The following CCDC33 variants were observed in gnomAD, a reference collection of about 807,000 sequenced individuals.
CCDC33 encodes the protein coiled-coil domain containing 33.
A neutral mutation model predicts 91.9 loss-of-function variants in CCDC33; 94 were observed. That is an observed-to-expected ratio of 1.02 (90% CI 0.87 to 1.21). The LOEUF is 1.21. Among genes scored for constraint, CCDC33 ranks in the 50% most tolerant of loss-of-function variants. The pLI is 0.00. For synonymous variants in CCDC33, 396 were observed against 374.5 expected, an observed-to-expected ratio of 1.06 and a Z score of -0.66; for missense variants, 940 against 935.5, an observed-to-expected ratio of 1.00 and a Z score of -0.06.
chr15:74,228,183 G>A (rs908121661), intron 2 of CCDC33, among the ~76,000 whole-genome samples: 20 of 152,224 alleles, frequency 1.3e-4, no homozygotes, highest in African/African-American at 4.8e-4. Context: ...GACCCACCTT[G>A]TGGAGGCTGA....
At chr15:74,268,796 TA>T (rs1453555145) in intron 5 of CCDC33, among the ~76,000 whole-genome samples, 1 of 152,190 alleles carries the variant, frequency 6.6e-6, no homozygotes, top group Admixed American at 6.5e-5. Flanking sequence ...AATCTTATGC[TA>T]GGGGCAGGGG....
At chr15:74,209,877 G>T (rs1280903359) in intron 2 of CCDC33, among the ~76,000 whole-genome samples, 1 of 152,214 alleles carries the variant, frequency 6.6e-6, no homozygotes, top group Non-Finnish European at 1.5e-5. Flanking sequence ...TAAATTCTCA[G>T]GAGAAGGGCC....
intron 2 of CCDC33, among the ~76,000 whole-genome samples, chr15:74,210,621 T>C (rs1365831532): frequency 6.6e-6 from 1 of 152,232 alleles, no homozygotes; most frequent in East Asian, 1.9e-4. Context: ...ATGCATATTT[T>C]AAAACTCATA....
At chr15:74,305,728 T>A (rs183427526) in intron 11 of CCDC33, among the ~76,000 whole-genome samples, 1 of 152,350 alleles carries the variant, frequency 6.6e-6, no homozygotes, top group African/African-American at 2.4e-5. Flanking sequence ...CATTCATTCA[T>A]GCATTCATTC....
chr15:74,310,403 G>A (rs1026776567), intron 11 of CCDC33, among the ~76,000 whole-genome samples: 5 of 152,076 alleles, frequency 3.3e-5, no homozygotes, highest in Non-Finnish European at 5.9e-5. Context: ...TGAGCGTGAT[G>A]GTGCATGCCT....
chr15:74,296,904 T>G (rs1407414392), intron 11 of CCDC33, among the ~76,000 whole-genome samples: 2 of 152,216 alleles, frequency 1.3e-5, no homozygotes, highest in African/African-American at 4.8e-5. Context: ...TCCTCCCTTC[T>G]TCCACAGCGG....
At chr15:74,326,392 C>T (rs750086615) in intron 11 of CCDC33, among the ~76,000 whole-genome samples, 2 of 152,218 alleles carry the variant, frequency 1.3e-5, no homozygotes, top group Non-Finnish European at 2.9e-5. Context: ...ACCCTGTGTG[C>T]CAGAGCCTGG....
chr15:74,207,591 A>G (rs748158084), intron 1 of CCDC33: 94 of 1,096,466 alleles, frequency 8.6e-5, no homozygotes, highest in Non-Finnish European at 1.2e-4. Flanking sequence ...AGCAAACCCA[A>G]TAGTTTACAA....
chr15:74,247,396 ACG>A (rs879510671), intron 2 of CCDC33, among the ~76,000 whole-genome samples: 5,322 of 142,562 alleles, frequency 0.037, 308 homozygotes, highest in African/African-American at 0.12. Context: ...ACACACACAC[ACG>A]TCATATACAT....
At chr15:74,208,034 C>G in intron 1 of CCDC33, 1 of 1,357,076 alleles carries the variant, frequency 7.4e-7, no homozygotes, top group Non-Finnish European at 9.5e-7. Context: ...GCCCCCCTCA[C>G]CAACAGCATC....
chr15:74,320,675 C>G, intron 11 of CCDC33, among the ~76,000 whole-genome samples: 1 of 152,186 alleles, frequency 6.6e-6, no homozygotes, highest in East Asian at 1.9e-4. Context: ...CTCCTCCAGG[C>G]TCCCACCCCC....
At chr15:74,255,883 A>T (rs567553242) in intron 2 of CCDC33, among the ~76,000 whole-genome samples, 103 of 152,326 alleles carry the variant, frequency 6.8e-4, no homozygotes, top group Non-Finnish European at 1.1e-3. Flanking sequence ...AGTTCTGAGG[A>T]GCTGCCACTG....
intron 1 of CCDC33, chr15:74,207,678 G>A: frequency 6.5e-7 from 1 of 1,533,414 alleles, no homozygotes; most frequent in Non-Finnish European, 8.7e-7. Context: ...AGGAGTGGGG[G>A]GATGGCCACT....
At position 74,330,229 on chromosome 15, in the gene CCDC33, A is replaced by G; in HGVS notation, c.1331A>G (p.Glu444Gly). The G allele has an allele frequency of 5.0e-6, 8 of 1,612,654 alleles. No individual in the cohort carries two copies. In the South Asian group the frequency reaches 8.8e-5, roughly 18 times the overall value. The change falls in exon 12 of 19, where the codon GAG becomes GGG. Residue 444 changes from glutamate (E) to glycine (G), a missense_variant. Glu to Gly is a moderately conservative substitution (Grantham distance 98). Transcript: ENST00000398814. ...CGGCGGGCCATGCAGAAGATGGCAG[A>G]GGACATCCTGTCTCTGCGGAGACAG... ...NYRRAMQKMAEDILSLRRQAS... is the reference protein window; with the variant it reads ...NYRRAMQKMAGDILSLRRQAS...
intron 7 of CCDC33, among the ~76,000 whole-genome samples, chr15:74,279,461 T>G (rs2076532256): frequency 6.6e-6 from 1 of 152,194 alleles, no homozygotes. Context: ...CTGTTTTTCT[T>G]CTTCCTATTT....
rs778620215 is a variant in CCDC33, at chr15:74,262,617, G to A, written c.319+44G>A. Reference sequence around the variant, plus strand: ...GGGCCGGCATGTGCAGGCAGGGTGTGAACACAGCCAAGGACTTAGAGCAAG... The same window carrying A: ...GGGCCGGCATGTGCAGGCAGGGTGTAAACACAGCCAAGGACTTAGAGCAAG... On this transcript the variant is annotated intron_variant, in intron 3 of 18. Transcript: ENST00000398814. The A allele has an allele frequency of 5.7e-6, 9 of 1,584,584 alleles. No homozygotes were observed. In the South Asian group the frequency reaches 5.7e-5, roughly 10 times the overall value.
rs192493301 is a variant in CCDC33, at chr15:74,288,457, T to G, written c.1095+6608T>G. Among the ~76,000 whole-genome samples the G allele has an allele frequency of 2.2e-4, 33 of 152,272 alleles. No individual in the cohort carries two copies. In the East Asian group the frequency reaches 6.2e-3, roughly 29 times the overall value. On this transcript the variant is annotated intron_variant, in intron 10 of 18. Transcript: ENST00000398814. ...ATTAGAGGTAGAGTAGGAACATCAC[T>G]CCCTCTCTCTGAATACATTCTCCCC...
At chr15:74,238,428 G>T (rs903687489) in intron 1 of CCDC33, among the ~76,000 whole-genome samples, 20 of 149,698 alleles carry the variant, frequency 1.3e-4, no homozygotes, top group African/African-American at 4.9e-4. Context: ...AAAAAAAAAG[G>T]ATGCTCATCA....
Position 74,211,189 on chromosome 15 carries a change from G to A in CCDC33, n.237-957G>A, listed in dbSNP as rs116092640. 2.4e-3 allele frequency among the ~76,000 whole-genome samples: 360 copies of A among 149,640 alleles called. 1 individual carries two copies. Among genetic ancestry groups the A allele is most frequent in the African/African-American group, 8.6e-3 (351 of 40,610 alleles). The stretch of plus-strand genomic sequence containing the variant: ...CACACACACACACACACACCTCACT[G>A]CTTTTTCCCCCAAGAACATTCCTTC... On this transcript the variant is annotated intron_variant and non_coding_transcript_variant, in intron 2 of 3. Coordinates refer to the CCDC33 transcript ENST00000558645.
Sources: allele counts gnomAD v4.1 joint callset (sites outside exome capture counted in the v4.1 genomes callset), GRCh38; gene constraint gnomAD v4.1.1; transcripts MANE v1.5; gene names NCBI Gene and HGNC (gene_info 2026-07-23, HGNC 2026-07-21).